The following PEPD variants were observed in gnomAD, a reference collection of about 807,000 sequenced individuals.
PEPD encodes xaa-Pro dipeptidase.
A neutral mutation model predicts 60.7 loss-of-function variants in PEPD; 53 were observed. The ratio of observed to expected loss-of-function variants is 0.87; its 90% confidence interval spans 0.70 to 1.10. The LOEUF (loss-of-function observed/expected upper bound fraction) is 1.10. PEPD is among the 50% of genes least tolerant of loss of function. The pLI, the probability that PEPD is intolerant of heterozygous loss-of-function variation, is 0.00. For synonymous variants in PEPD, 267 were observed against 284.1 expected, an observed-to-expected ratio of 0.94 and a Z score of 0.60; for missense variants, 711 against 711.9, an observed-to-expected ratio of 1.00 and a Z score of 0.01.
chr19:33,473,568 C>T (rs951034819), intron 7 of PEPD, among the ~76,000 whole-genome samples: 2 of 152,216 alleles, frequency 1.3e-5, no homozygotes, highest in East Asian at 1.9e-4. Flanking sequence ...AGAAGGCACA[C>T]GGCAATTGCT....
chr19:33,415,977 C>A (rs566370673), intron 9 of PEPD, among the ~76,000 whole-genome samples: 1 of 152,232 alleles, frequency 6.6e-6, no homozygotes, highest in Non-Finnish European at 1.5e-5. Flanking sequence ...AACGAGCCCA[C>A]GTTTTCTGCA....
At chr19:33,457,060 G>A (rs1969815949) in intron 9 of PEPD, among the ~76,000 whole-genome samples, 1 of 149,512 alleles carries the variant, frequency 6.7e-6, no homozygotes, top group African/African-American at 2.5e-5. Flanking sequence ...CCCCACACGG[G>A]AGGAGGACCA....
intron 4 of PEPD, among the ~76,000 whole-genome samples, chr19:33,499,995 T>C (rs1970678558): frequency 6.6e-6 from 1 of 152,216 alleles, no homozygotes; most frequent in Non-Finnish European, 1.5e-5. Context: ...GGAAGCTGCT[T>C]GGCCGCCAGA....
At chr19:33,515,541 T>C (rs1971009230) in intron 1 of PEPD, among the ~76,000 whole-genome samples, 1 of 152,042 alleles carries the variant, frequency 6.6e-6, no homozygotes, top group Non-Finnish European at 1.5e-5. Context: ...CAGCACCTTG[T>C]GCTCGGATAT....
chr19:33,463,908 AC>A lies in PEPD; in HGVS notation c.624+78del, dbSNP rs1969973701. The A allele has an allele frequency of 4.3e-6, 4 of 920,868 alleles. No individual in the cohort carries two copies. The Admixed American group carries it at 5.9e-5, about 14-fold the overall frequency. The allele number at this position is 920,868 out of a possible 1,614,324, so 57.0% of individuals were successfully genotyped here. On this transcript the variant is annotated intron_variant, in intron 8 of 14. Transcript: ENST00000244137. ...CTCAGGGATTAGAGCCCACCTGGAA[AC>A]CCTTCATCCTCACGCAGTTCTCTCG...
At chr19:33,516,457 A>AC (rs1220493853) in intron 1 of PEPD, among the ~76,000 whole-genome samples, 1 of 151,904 alleles carries the variant, frequency 6.6e-6, no homozygotes, top group East Asian at 1.9e-4. Context: ...AGAGGCCAGG[A>AC]CCCCCGCTGC....
At chr19:33,431,672 T>C (rs1969277195) in intron 9 of PEPD, among the ~76,000 whole-genome samples, 1 of 152,126 alleles carries the variant, frequency 6.6e-6, no homozygotes, top group Admixed American at 6.5e-5. Flanking sequence ...GGACCACTCT[T>C]TCCTGCTTCC....
chr19:33,437,925 C>T (rs968287317), intron 9 of PEPD, among the ~76,000 whole-genome samples: 6 of 152,152 alleles, frequency 3.9e-5, no homozygotes, highest in South Asian at 2.1e-4. Flanking sequence ...AGTCTGACAC[C>T]CTGGCTCTCC....
chr19:33,423,379 C>G (rs10500265), intron 9 of PEPD, among the ~76,000 whole-genome samples: 11,149 of 152,300 alleles, frequency 0.073, 475 homozygotes, highest in Middle Eastern at 0.12. Flanking sequence ...TGTGCCTCTT[C>G]ACTGTCCTCG....
intron 3 of PEPD, among the ~76,000 whole-genome samples, chr19:33,502,523 T>C (rs1359153721): frequency 3.3e-5 from 5 of 151,954 alleles, no homozygotes; most frequent in South Asian, 2.1e-4. Context: ...AAACCCCCCC[T>C]TTTTTTTGAG....
intron 6 of PEPD, among the ~76,000 whole-genome samples, chr19:33,488,729 G>A (rs540605367): frequency 3.4e-4 from 52 of 152,268 alleles, no homozygotes; most frequent in African/African-American, 1.2e-3. Flanking sequence ...GGAGGTGGGA[G>A]GTGATACATA....
At chr19:33,511,242 C>G (rs1970921067) in intron 2 of PEPD, 87 bp from the exon 3 acceptor site, 1 of 1,404,766 alleles carries the variant, frequency 7.1e-7, no homozygotes, top group African/African-American at 1.4e-5. Context: ...CCCTAGAGAG[C>G]CAGCTCAGAC....
At chr19:33,499,436 G>T (rs1970667510) in intron 4 of PEPD, among the ~76,000 whole-genome samples, 1 of 152,202 alleles carries the variant, frequency 6.6e-6, no homozygotes, top group African/African-American at 2.4e-5. Flanking sequence ...TCCTGCACTG[G>T]ACTGTGCCCT....
In PEPD at chr19:33,405,818, C is replaced by T. The variant is rs557663929; in HGVS notation, c.819-3949G>A. Among the ~76,000 whole-genome samples, 13 of 152,222 alleles carry T rather than the reference C, an allele frequency of 8.5e-5. No individual in the cohort carries two copies. In the South Asian group the frequency reaches 1.5e-3, roughly 17 times the overall value. Reference sequence around the variant, plus strand: ...GCATCTCTGCCCCCTTTTCGTGTGACGGCCACTCCTCCAGGGCCTCGGCAG... The same window carrying T: ...GCATCTCTGCCCCCTTTTCGTGTGATGGCCACTCCTCCAGGGCCTCGGCAG... On this transcript the variant is annotated intron_variant, in intron 11 of 14. Transcript: ENST00000244137.
At chr19:33,505,999 TCA>T (rs1970796073) in intron 3 of PEPD, among the ~76,000 whole-genome samples, 3 of 114,698 alleles carry the variant, frequency 2.6e-5, no homozygotes, top group Non-Finnish European at 3.5e-5. Flanking sequence ...TACACATCAC[TCA>T]CACACCCTCA....
chr19:33,480,654 G>A (rs1338605636), intron 6 of PEPD, among the ~76,000 whole-genome samples: 2 of 152,146 alleles, frequency 1.3e-5, no homozygotes, highest in African/African-American at 4.8e-5. Context: ...AATTAGCAGA[G>A]CATGGTGGTG....
At chr19:33,391,993 G>A (rs1968234164) in intron 12 of PEPD, among the ~76,000 whole-genome samples, 1 of 152,240 alleles carries the variant, frequency 6.6e-6, no homozygotes, top group African/African-American at 2.4e-5. Flanking sequence ...GCTGAAAAGA[G>A]GGGTCCCTGC....
At chr19:33,476,673 A>AT (rs930657873) in intron 7 of PEPD, among the ~76,000 whole-genome samples, 16 of 151,614 alleles carry the variant, frequency 1.1e-4, no homozygotes, top group African/African-American at 3.1e-4. Context: ...TTTTTATTTT[A>AT]TTTTTTTTGA....
intron 4 of PEPD, among the ~76,000 whole-genome samples, chr19:33,498,919 C>A (rs570670093): frequency 5.3e-5 from 8 of 152,296 alleles, no homozygotes; most frequent in African/African-American, 1.4e-4. Flanking sequence ...CAGGGCCCAC[C>A]CCAGGCTGCC....
Sources: gnomAD v4.1 joint callset for allele counts (sites outside exome capture counted in the v4.1 genomes callset) on GRCh38, gnomAD v4.1.1 for gene constraint, MANE v1.5 for transcripts, NCBI Gene and HGNC (gene_info 2026-07-23, HGNC 2026-07-21) for gene names.